AKT3: variants seen among roughly 807,000 people sequenced by gnomAD.
AKT3 encodes RAC-gamma serine/threonine-protein kinase.
AKT3 carries 15 observed loss-of-function variants against 65.3 expected under a neutral mutation model. The observed-to-expected ratio is 0.23, with a 90% CI of 0.15 to 0.35. The LOEUF (loss-of-function observed/expected upper bound fraction) is 0.35. AKT3 is among the 10% of genes least tolerant of loss of function. AKT3 has a pLI of 1.00. For missense variants in AKT3, 243 were observed against 576.5 expected (o/e 0.42, Z 5.92); for synonymous variants, 206 against 183.8 (o/e 1.12, Z -0.98).
intron 8 of AKT3, among the ~76,000 whole-genome samples, chr1:243,586,607 G>C (rs1405183176): frequency 6.6e-6 from 1 of 152,156 alleles, no homozygotes; most frequent in African/African-American, 2.4e-5. Context: ...CCATTATCCG[G>C]AGTGAATTAA....
In AKT3 at chr1:243,594,785, G is replaced by T. The variant is rs148847420; in HGVS notation, c.696+18886C>A. 1.8e-3 allele frequency among the ~76,000 whole-genome samples: 277 copies of T among 152,180 alleles called. 2 individuals carry two copies. In the Middle Eastern group the frequency reaches 0.027, roughly 15 times the overall value. On this transcript the variant is annotated intron_variant, in intron 8 of 13. Transcript: ENST00000673466. ...TGTAGAGACAGGGTCCTGCTGTGTT[G>T]CCCAGGCTGGTCTCGAACTCCTGGA...
intron 3 of AKT3, among the ~76,000 whole-genome samples, chr1:243,685,990 G>A (rs1684263556): frequency 6.6e-6 from 1 of 152,118 alleles, no homozygotes; most frequent in African/African-American, 2.4e-5. Context: ...AATCATGAGT[G>A]AACTCCTATT....
chr1:243,699,511 A>G (rs74153939), intron 2 of AKT3, among the ~76,000 whole-genome samples: 4,085 of 112,934 alleles, frequency 0.036, 156 homozygotes, highest in Middle Eastern at 0.074. Flanking sequence ...ATATATATAT[A>G]TAATCTTCAT....
intron 5 of AKT3, among the ~76,000 whole-genome samples, chr1:243,641,371 A>G (rs1680387776): frequency 1.3e-5 from 2 of 151,336 alleles, no homozygotes; most frequent in Admixed American, 6.6e-5. Flanking sequence ...CCTAATACAC[A>G]TGGCAAGTAA....
In AKT3 at chr1:243,850,092, G is replaced by A. The variant is rs942802149; in HGVS notation, c.-165C>T. The A allele has an allele frequency of 4.7e-6, 2 of 422,240 alleles. No individual in the cohort carries two copies. The highest frequency in any genetic ancestry group is 2.2e-5 in the African/African-American group (1 of 44,554). 26.2% of individuals were successfully genotyped at this position (422,240 alleles called of 1,614,324 possible). On this transcript the variant is annotated 5_prime_UTR_variant, in exon 1 of 14. Coordinates refer to ENST00000673466, the MANE Select transcript of AKT3 (RefSeq NM_005465.7). ...CCCCGCAGCTGCTCGGGCGGCGGCG[G>A]AGGATGGAGCCGGGGGGGGGCGGGG... is the stretch of plus-strand genomic sequence containing the variant.
At chr1:243,639,587 C>A (rs1179301924) in intron 5 of AKT3, among the ~76,000 whole-genome samples, 2 of 152,118 alleles carry the variant, frequency 1.3e-5, no homozygotes, top group African/African-American at 4.8e-5. Flanking sequence ...AAGGAACCTC[C>A]CATCAGTGCC....
chr1:243,678,892 T>C (rs940442636), intron 3 of AKT3, among the ~76,000 whole-genome samples: 1 of 152,162 alleles, frequency 6.6e-6, no homozygotes, highest in African/African-American at 2.4e-5. Flanking sequence ...ATTCCACTTA[T>C]ACATGGATTT....
intron 12 of AKT3, among the ~76,000 whole-genome samples, chr1:243,542,390 C>G (rs940422010): frequency 6.6e-6 from 1 of 152,136 alleles, no homozygotes; most frequent in South Asian, 2.1e-4. Flanking sequence ...AGTGGTACAT[C>G]ATGCTACTTG....
At chr1:243,815,378 TC>T (rs1395908578) in intron 2 of AKT3, among the ~76,000 whole-genome samples, 1 of 152,146 alleles carries the variant, frequency 6.6e-6, no homozygotes, top group African/African-American at 2.4e-5. Flanking sequence ...AGAACAAGGA[TC>T]CCCTTTCCTC....
chr1:243,683,850 G>A (rs1015503358), intron 3 of AKT3, among the ~76,000 whole-genome samples: 1 of 152,106 alleles, frequency 6.6e-6, no homozygotes, highest in African/African-American at 2.4e-5. Context: ...AGGAAGCAAA[G>A]TACCTTTAAT....
chr1:243,792,415 A>G (rs149765502), intron 2 of AKT3, among the ~76,000 whole-genome samples: 1 of 152,326 alleles, frequency 6.6e-6, no homozygotes, highest in East Asian at 1.9e-4. Flanking sequence ...AGTTTTGCTG[A>G]CAAGATATTA....
At chr1:243,744,694 G>A (rs1022962882) in intron 2 of AKT3, among the ~76,000 whole-genome samples, 5 of 146,372 alleles carry the variant, frequency 3.4e-5, no homozygotes, top group African/African-American at 5.1e-5. Flanking sequence ...AGCCGAGATC[G>A]CGCCCCTGCA....
At chr1:243,799,188 GGAAA>G (rs1427437018) in intron 2 of AKT3, among the ~76,000 whole-genome samples, 1 of 152,084 alleles carries the variant, frequency 6.6e-6, no homozygotes, top group Non-Finnish European at 1.5e-5. Context: ...GTGGAAGGTA[GGAAA>G]GAAAGAAAAT....
intron 2 of AKT3, among the ~76,000 whole-genome samples, chr1:243,817,477 A>ACG (rs765958959): frequency 8.5e-5 from 13 of 152,228 alleles, no homozygotes; most frequent in Non-Finnish European, 1.6e-4. Context: ...GTGGTGGCTC[A>ACG]CGCCTGTAAT....
At chr1:243,698,383 T>C (rs913787699) in intron 2 of AKT3, among the ~76,000 whole-genome samples, 4 of 152,062 alleles carry the variant, frequency 2.6e-5, no homozygotes, top group African/African-American at 9.6e-5. Flanking sequence ...TCTTTTAAAA[T>C]AGTACTGAAT....
intron 2 of AKT3, among the ~76,000 whole-genome samples, chr1:243,718,296 T>C (rs1371346067): frequency 6.6e-6 from 1 of 152,212 alleles, no homozygotes; most frequent in Non-Finnish European, 1.5e-5. Context: ...AACGATTGTA[T>C]GCATTCTCTG....
chr1:243,506,671 G>A (rs181143587), intron 13 of AKT3, among the ~76,000 whole-genome samples: 2 of 152,228 alleles, frequency 1.3e-5, no homozygotes, highest in South Asian at 2.1e-4. Context: ...AGATATCCTC[G>A]TATTAGGTGA....
At chr1:243,512,233 TATC>T in intron 13 of AKT3, 88 bp downstream of exon 13, 1 of 653,236 alleles carries the variant, frequency 1.5e-6, no homozygotes, top group African/African-American at 1.9e-5. Context: ...ATCTTGAAAA[TATC>T]AGATGAGTTT....
At chr1:243,841,111 CACAT>C (rs1446696198) in intron 2 of AKT3, among the ~76,000 whole-genome samples, 4 of 151,484 alleles carry the variant, frequency 2.6e-5, no homozygotes, top group African/African-American at 7.3e-5. Flanking sequence ...TTATTAGAAA[CACAT>C]ACACATACAC....
Sources: allele counts gnomAD v4.1 joint callset (sites outside exome capture counted in the v4.1 genomes callset), GRCh38; gene constraint gnomAD v4.1.1; transcripts MANE v1.5; gene names NCBI Gene and HGNC (gene_info 2026-07-23, HGNC 2026-07-21).